Variants in PCDHA2 observed in about 807,000 individuals in gnomAD.
The protein encoded by PCDHA2 is protocadherin alpha 2.
PCDHA2 carries 58 observed loss-of-function variants against 66.0 expected under a neutral mutation model. The observed-to-expected ratio is 0.88, with a 90% CI of 0.71 to 1.09. The LOEUF is 1.09. PCDHA2 is among the 50% of genes least tolerant of loss of function. The pLI is 0.00. For synonymous variants in PCDHA2, 634 were observed against 554.0 expected (o/e 1.14, Z -2.03); for missense variants, 1,267 against 1,242.3 (o/e 1.02, Z -0.30).
chr5:140,981,779 A>G (rs1231046614), intron 2 of PCDHA2, among the ~76,000 whole-genome samples: 2 of 151,974 alleles, frequency 1.3e-5, no homozygotes, highest in Non-Finnish European at 2.9e-5. Flanking sequence ...ATACTGCACC[A>G]TGTTCTCTTT....
intron 1 of PCDHA2, among the ~76,000 whole-genome samples, chr5:140,872,147 A>G (rs182622131): frequency 6.6e-6 from 1 of 152,118 alleles, no homozygotes; most frequent in East Asian, 1.9e-4. Flanking sequence ...CTCCATTAGT[A>G]TGACATGATT....
At chr5:141,007,660 T>C (rs1392469115) in intron 3 of PCDHA2, among the ~76,000 whole-genome samples, 2 of 152,074 alleles carry the variant, frequency 1.3e-5, no homozygotes, top group Admixed American at 6.5e-5. Flanking sequence ...AAACCATAAA[T>C]TTACAAAGAC....
At chr5:140,831,878 G>A (rs2150197940) in intron 1 of PCDHA2, among the ~76,000 whole-genome samples, 3 of 152,080 alleles carry the variant, frequency 2.0e-5, no homozygotes, top group Admixed American at 6.6e-5. Context: ...ATTGTAAGGC[G>A]CTTATAACTG....
At chr5:140,861,470 G>A (rs1554154806) in intron 1 of PCDHA2, 1 of 492,724 alleles carries the variant, frequency 2.0e-6, no homozygotes, top group Non-Finnish European at 4.2e-6. Context: ...TAAATCTGCA[G>A]AATGGCATTT....
At chr5:140,877,652 C>T (rs1456022709) in intron 1 of PCDHA2, 1 of 1,613,400 alleles carries the variant, frequency 6.2e-7, no homozygotes, top group Non-Finnish European at 8.5e-7. Context: ...TCAGCGCCGC[C>T]CACCGTGAGC....
chr5:140,806,258 A>G (rs570668849), intron 1 of PCDHA2, among the ~76,000 whole-genome samples: 1 of 152,350 alleles, frequency 6.6e-6, no homozygotes, highest in South Asian at 2.1e-4. Context: ...TATTGGAAGC[A>G]GGAAATATTC....
At chr5:140,896,451 C>T (rs1173407136) in intron 1 of PCDHA2, among the ~76,000 whole-genome samples, 1 of 152,112 alleles carries the variant, frequency 6.6e-6, no homozygotes, top group Non-Finnish European at 1.5e-5. Flanking sequence ...CAACCTCCAC[C>T]TCCTGGGTTC....
At chr5:140,814,813 A>G (rs1765596330) in intron 1 of PCDHA2, 1 of 152,138 alleles carries the variant, frequency 6.6e-6, no homozygotes, top group Non-Finnish European at 1.5e-5. Context: ...ACTTTATTGT[A>G]TTGCTATCTA....
chr5:140,990,852 A>T (rs1265916406), intron 3 of PCDHA2, among the ~76,000 whole-genome samples: 2 of 152,198 alleles, frequency 1.3e-5, no homozygotes, highest in Non-Finnish European at 1.5e-5. Context: ...TAGAGCCCTG[A>T]GGACATTGTA....
chr5:140,950,581 C>T (rs1158445917), intron 1 of PCDHA2, among the ~76,000 whole-genome samples: 2 of 151,860 alleles, frequency 1.3e-5, no homozygotes, highest in Non-Finnish European at 2.9e-5. Flanking sequence ...TTCTACTTAC[C>T]TTTGGTTTAG....
chr5:140,915,937 G>A (rs782632336), intron 1 of PCDHA2, among the ~76,000 whole-genome samples: 7 of 152,104 alleles, frequency 4.6e-5, no homozygotes, highest in African/African-American at 7.2e-5. Flanking sequence ...GTCAGGGATT[G>A]GAGTCAAAAT....
intron 1 of PCDHA2, chr5:140,861,087 C>T (rs1554154139): frequency 6.6e-6 from 1 of 152,266 alleles, no homozygotes; most frequent in African/African-American, 2.4e-5. Flanking sequence ...AAAGAAGCTC[C>T]ATTGTTCCTG....
intron 1 of PCDHA2, among the ~76,000 whole-genome samples, chr5:140,890,832 T>G (rs1554184561): frequency 6.6e-6 from 1 of 152,220 alleles, no homozygotes; most frequent in African/African-American, 2.4e-5. Context: ...ACTTACATAT[T>G]TACCAGTTTT....
chr5:140,827,582 C>A (rs1466478514), intron 1 of PCDHA2, among the ~76,000 whole-genome samples: 2 of 152,094 alleles, frequency 1.3e-5, no homozygotes, highest in African/African-American at 4.8e-5. Context: ...ATAGCATGTC[C>A]TAGGAAAGAC....
rs2150341542 is a variant in PCDHA2, at chr5:140,842,668, C to A, written c.2388+45316C>A. 1.2e-5 allele frequency: 19 copies of A among 1,595,382 alleles called. 1 individual carries two copies. Among genetic ancestry groups the A allele is most frequent in the East Asian group, 2.2e-5 (1 of 44,804 alleles). ...TGTCTGTGGAGGTGGCCGACGTGAACGACAATGCTCCGGCGTTCGCGCAGC... is the reference window on the plus strand; with the variant it reads ...TGTCTGTGGAGGTGGCCGACGTGAAAGACAATGCTCCGGCGTTCGCGCAGC... On this transcript the variant is annotated intron_variant, in intron 1 of 3. Transcript: ENST00000526136.
At chr5:140,838,277 C>T (rs1372363386) in intron 1 of PCDHA2, among the ~76,000 whole-genome samples, 8 of 74,794 alleles carry the variant, frequency 1.1e-4, no homozygotes, top group East Asian at 6.5e-4. Flanking sequence ...CCAAGCCATG[C>T]TAATTTTTTT....
chr5:140,883,581 C>A, intron 1 of PCDHA2: 2 of 1,614,018 alleles, frequency 1.2e-6, no homozygotes, highest in Non-Finnish European at 1.7e-6. Flanking sequence ...CTGTGGGCCA[C>A]GGCCAGCGTG....
In PCDHA2 at chr5:140,798,765, A is replaced by C. The variant is rs1173102956; in HGVS notation, c.2388+1413A>C. Among the ~76,000 whole-genome samples, 4 of 152,096 alleles carry C rather than the reference A, an allele frequency of 2.6e-5. No homozygotes were observed. The East Asian group carries it at 7.7e-4, about 29-fold the overall frequency. On this transcript the variant is annotated intron_variant, in intron 1 of 3. Transcript: ENST00000526136. ...TTATTTTGGGTAATTATAACACTGAACTCGACAAGTAAATGTTACACTTGG... is the reference window on the plus strand; with the variant it reads ...TTATTTTGGGTAATTATAACACTGACCTCGACAAGTAAATGTTACACTTGG...
intron 3 of PCDHA2, among the ~76,000 whole-genome samples, chr5:141,001,306 A>C (rs1554258083): frequency 6.6e-6 from 1 of 152,174 alleles, no homozygotes; most frequent in African/African-American, 2.4e-5. Context: ...CAGAGATATG[A>C]AATAATTTGC....
Sources: allele counts gnomAD v4.1 joint callset (sites outside exome capture counted in the v4.1 genomes callset), GRCh38; gene constraint gnomAD v4.1.1; transcripts MANE v1.5; gene names NCBI Gene and HGNC (gene_info 2026-07-23, HGNC 2026-07-21).